CDH13: variants seen among roughly 807,000 people sequenced by gnomAD.
CDH13 encodes cadherin-13.
In CDH13, 24 loss-of-function variants were observed where a neutral mutation model predicts 63.8. The ratio of observed to expected loss-of-function variants is 0.38; its 90% confidence interval spans 0.27 to 0.53. The LOEUF (loss-of-function observed/expected upper bound fraction) is 0.53, where lower values mean the gene tolerates loss of function less well. Ranked by LOEUF, CDH13 falls within the 20% of genes least tolerant of loss-of-function variation. CDH13 has a pLI of 0.85. For synonymous variants in CDH13, 503 were observed against 355.3 expected, an observed-to-expected ratio of 1.42 and a Z score of -4.67; for missense variants, 1,049 against 903.1, an observed-to-expected ratio of 1.16 and a Z score of -2.07.
chr16:83,497,212 G>A (rs944958190), intron 7 of CDH13, among the ~76,000 whole-genome samples: 4 of 151,926 alleles, frequency 2.6e-5, no homozygotes, highest in African/African-American at 7.3e-5. Flanking sequence ...ACATGCACAC[G>A]TATGTTTATT....
intron 4 of CDH13, among the ~76,000 whole-genome samples, chr16:83,144,563 G>A (rs1302842292): frequency 6.6e-6 from 1 of 152,158 alleles, no homozygotes. Flanking sequence ...TAGATGCACT[G>A]TATTTTTTGA....
chr16:82,769,655 G>T (rs74932459), intron 1 of CDH13, among the ~76,000 whole-genome samples: 1 of 152,308 alleles, frequency 6.6e-6, no homozygotes, highest in East Asian at 1.9e-4. Context: ...GATTGAGGAG[G>T]ATAGGAGCAA....
intron 7 of CDH13, among the ~76,000 whole-genome samples, chr16:83,492,029 C>T (rs1226463281): frequency 6.6e-6 from 1 of 152,168 alleles, no homozygotes; most frequent in African/African-American, 2.4e-5. Context: ...TTAGGGAGAA[C>T]ATCCTATGCC....
intron 8 of CDH13, among the ~76,000 whole-genome samples, chr16:83,667,022 GAT>G: frequency 2.0e-5 from 1 of 49,296 alleles, no homozygotes; most frequent in Admixed American, 2.5e-4. Flanking sequence ...TGGATGGATG[GAT>G]GGATGGGTGG....
chr16:82,774,338 C>A (rs949998236), intron 1 of CDH13, among the ~76,000 whole-genome samples: 51 of 110,396 alleles, frequency 4.6e-4, no homozygotes, highest in Non-Finnish European at 1.2e-4. Context: ...TTTTTTTTTT[C>A]ATTTCTACAT....
Position 83,364,431 on chromosome 16 carries a change from A to G in CDH13, c.781+19425A>G, listed in dbSNP as rs566394003. Among the ~76,000 whole-genome samples, 27 of 152,324 alleles carry G rather than the reference A, an allele frequency of 1.8e-4. No homozygotes were observed. The South Asian group carries it at 5.0e-3, about 28-fold the overall frequency. ...CTTGCATTATCCCGAGAAATAGATA[A>G]AGGAGTTCTCATTTACAGATAAGGA... On this transcript the variant is annotated intron_variant, in intron 6 of 13. Coordinates refer to ENST00000567109, the MANE Select transcript of CDH13 (RefSeq NM_001257.5).
intron 7 of CDH13, among the ~76,000 whole-genome samples, chr16:83,543,569 C>G (rs75425598): frequency 0.012 from 1,847 of 152,290 alleles, 26 homozygotes; most frequent in East Asian, 0.076. Flanking sequence ...CAACCTCTAG[C>G]TTGGTCTTTA....
intron 6 of CDH13, among the ~76,000 whole-genome samples, chr16:83,432,662 G>A (rs571420026): frequency 2.0e-5 from 3 of 152,194 alleles, no homozygotes; most frequent in African/African-American, 4.8e-5. Flanking sequence ...AGGTGTAGCC[G>A]GCTCTCAGGC....
chr16:83,785,171 C>A (rs560284519), intron 13 of CDH13, among the ~76,000 whole-genome samples: 96 of 152,274 alleles, frequency 6.3e-4, no homozygotes, highest in African/African-American at 2.1e-3. Context: ...TTAGTCCATT[C>A]GGGCTACTAT....
At chr16:83,008,175 T>C (rs1009692293) in intron 2 of CDH13, among the ~76,000 whole-genome samples, 1 of 152,092 alleles carries the variant, frequency 6.6e-6, no homozygotes, top group Non-Finnish European at 1.5e-5. Flanking sequence ...ATAAATAGTA[T>C]AAATAACAAA....
chr16:83,110,535 G>A (rs2035006752), intron 3 of CDH13, among the ~76,000 whole-genome samples: 2 of 152,178 alleles, frequency 1.3e-5, no homozygotes, highest in African/African-American at 4.8e-5. Context: ...ATGTAGAGGT[G>A]TAGTGAAGGC....
intron 8 of CDH13, among the ~76,000 whole-genome samples, chr16:83,665,334 A>G (rs1408247619): frequency 1.3e-5 from 2 of 152,248 alleles, no homozygotes; most frequent in East Asian, 1.9e-4. Flanking sequence ...GGCAAAATCC[A>G]TCATCATTAT....
At chr16:83,307,681 A>G (rs2151882501) in intron 5 of CDH13, among the ~76,000 whole-genome samples, 1 of 152,326 alleles carries the variant, frequency 6.6e-6, no homozygotes, top group East Asian at 1.9e-4. Context: ...TGTTAATAAT[A>G]GAAATTGAAA....
chr16:82,834,621 C>T (rs2038687368), intron 1 of CDH13, among the ~76,000 whole-genome samples: 1 of 152,210 alleles, frequency 6.6e-6, no homozygotes, highest in Non-Finnish European at 1.5e-5. Context: ...AGCTGACCAG[C>T]TTTGGGTCTG....
rs561071496 is a variant in CDH13, at chr16:83,101,116, C to T, written c.367-24269C>T. On this transcript the variant is annotated intron_variant, in intron 3 of 13. Coordinates refer to ENST00000567109, the MANE Select transcript of CDH13 (RefSeq NM_001257.5). ...GGCACAGGGGTACAGCTGTGGAAAACTGACAAAAATCCCTGCATTTATGGG... is the reference window on the plus strand; with the variant it reads ...GGCACAGGGGTACAGCTGTGGAAAATTGACAAAAATCCCTGCATTTATGGG... 3.3e-5 allele frequency among the ~76,000 whole-genome samples: 5 copies of T among 151,982 alleles called. No individual in the cohort carries two copies. In the East Asian group the frequency reaches 9.7e-4, roughly 29 times the overall value.
intron 5 of CDH13, among the ~76,000 whole-genome samples, chr16:83,288,751 C>T (rs891169417): frequency 6.6e-6 from 1 of 152,206 alleles, no homozygotes; most frequent in African/African-American, 2.4e-5. Flanking sequence ...CACAAGTGGA[C>T]ATGTCTTTAT....
At chr16:82,973,814 C>G (rs559875909) in intron 2 of CDH13, among the ~76,000 whole-genome samples, 3 of 152,334 alleles carry the variant, frequency 2.0e-5, no homozygotes, top group African/African-American at 4.8e-5. Flanking sequence ...ATACAGTAGT[C>G]ATACAAAATG....
At chr16:83,376,849 G>A (rs533476709) in intron 6 of CDH13, among the ~76,000 whole-genome samples, 86 of 152,240 alleles carry the variant, frequency 5.6e-4, no homozygotes, top group African/African-American at 2.0e-3. Context: ...TTTGATCCAG[G>A]CCTTAAGAAA....
chr16:83,372,226 T>A (rs2091380497), intron 6 of CDH13, among the ~76,000 whole-genome samples: 1 of 151,870 alleles, frequency 6.6e-6, no homozygotes, highest in South Asian at 2.1e-4. Flanking sequence ...CTCAGGGAGG[T>A]GAAATATTTT....
Sources: gnomAD v4.1 joint callset for allele counts (sites outside exome capture counted in the v4.1 genomes callset) on GRCh38, gnomAD v4.1.1 for gene constraint, MANE v1.5 for transcripts, NCBI Gene and HGNC (gene_info 2026-07-23, HGNC 2026-07-21) for gene names.